Variants in RXRB observed in about 807,000 individuals in gnomAD.
RXRB encodes retinoid X receptor beta, also known as retinoic acid receptor RXR-beta.
Under a neutral mutation model 52.5 loss-of-function variants are expected in RXRB, and 18 were observed. The observed-to-expected ratio is 0.34, with a 90% CI of 0.24 to 0.51. The LOEUF is 0.51. RXRB is among the 20% of genes least tolerant of loss of function. The pLI, the probability that RXRB is intolerant of heterozygous loss-of-function variation, is 0.97. For missense variants in RXRB, 455 were observed against 698.2 expected, an observed-to-expected ratio of 0.65 and a Z score of 3.92; for synonymous variants, 233 against 267.1, an observed-to-expected ratio of 0.87 and a Z score of 1.25.
Position 33,194,617 on chromosome 6 carries a change from G to C in RXRB, c.*65C>G. 1 of 1,561,222 alleles carries C rather than the reference G, an allele frequency of 6.4e-7. No individual in the cohort carries two copies. Among genetic ancestry groups the C allele is most frequent in the Non-Finnish European group, 8.7e-7 (1 of 1,149,438 alleles). Reference sequence around the variant, plus strand: ...GAACATGGCCCCCCACCCTGCCCCAGGGCTTGGAGTCCCTCTTGGATGTGT... The same window carrying C: ...GAACATGGCCCCCCACCCTGCCCCACGGCTTGGAGTCCCTCTTGGATGTGT... On this transcript the variant is annotated 3_prime_UTR_variant, in exon 10 of 10. Coordinates refer to ENST00000374680, the MANE Select transcript of RXRB (RefSeq NM_021976.5). The surrounding 1 kb of genome is among the most constrained non-coding windows in gnomAD (Gnocchi z 4.1).
At position 33,196,563 on chromosome 6, in the gene RXRB, A is replaced by T. The variant is rs1446563333; in HGVS notation, c.864T>A (p.Asp288Glu). 6.2e-7 allele frequency: 1 copy of T among 1,604,328 alleles called. No individual in the cohort carries two copies. Residue 288 changes from aspartate (D) to glutamate (E), a missense_variant, in exon 5 of 10, where the codon GAT becomes GAA. Physicochemically the swap from Asp to Glu is conservative, Grantham distance 45. Coordinates refer to ENST00000374680, the MANE Select transcript of RXRB (RefSeq NM_021976.5). The surrounding 1 kb of genome is among the most constrained non-coding windows in gnomAD (Gnocchi z 4.0). ...CGGGGGCTCCCCCAGCCCCCTCCCC[A>T]TCCCCATCCTTGTCCTTTCCCCGCT... Reference protein sequence around the residue: ...ERQRGKDKDGDGEGAGGAPEE... With the variant: ...ERQRGKDKDGEGEGAGGAPEE...
chr6:33,195,115 G>C lies in RXRB; in HGVS notation c.1349-65C>G. ...CAAACCAAATCAGGATGGCCATGCA[G>C]ATGTGAGCCACAGGATGCCCCTTTT... On this transcript the variant is annotated intron_variant, in intron 8 of 9. Coordinates refer to ENST00000374680, the MANE Select transcript of RXRB (RefSeq NM_021976.5). The surrounding 1 kb of genome is among the most constrained non-coding windows in gnomAD (Gnocchi z 8.6). The C allele has an allele frequency of 3.3e-6, 4 of 1,205,134 alleles. No individual in the cohort carries two copies. Among genetic ancestry groups the C allele is most frequent in the Non-Finnish European group, 4.9e-6 (4 of 813,270 alleles). The allele number at this position is 1,205,134 out of a possible 1,614,324, so 74.7% of individuals were successfully genotyped here.
Position 33,195,226 on chromosome 6 carries a change from T to C in RXRB, c.1348+137A>G. ...TGTGGGATGGATCCGTGGATGTGGGTTTTTCCTCGGCCAGTTGGGAGATTT... is the reference window on the plus strand; with the variant it reads ...TGTGGGATGGATCCGTGGATGTGGGCTTTTCCTCGGCCAGTTGGGAGATTT... On this transcript the variant is annotated intron_variant, in intron 8 of 9. Transcript: ENST00000374680. This position sits in a 1 kb window ranked among gnomAD's most constrained non-coding sequence, Gnocchi z 8.6. The C allele has an allele frequency of 1.3e-6, 1 of 770,996 alleles. No individual in the cohort carries two copies. The highest frequency in any genetic ancestry group is 1.6e-5 in the South Asian group (1 of 63,630). The allele number at this position is 770,996 out of a possible 1,614,324, so 47.8% of individuals were successfully genotyped here. A position where few individuals can be genotyped will look rare whatever the true frequency, so the allele number is the denominator to read the frequency against.
At position 33,194,874 on chromosome 6, in the gene RXRB, G is replaced by A. The variant is rs571396358; in HGVS notation, c.1455-45C>T. On this transcript the variant is annotated intron_variant, in intron 9 of 9. Coordinates refer to ENST00000374680, the MANE Select transcript of RXRB (RefSeq NM_021976.5). This position sits in a 1 kb window ranked among gnomAD's most constrained non-coding sequence, Gnocchi z 4.1. ...AGGGGATTGAGAGCTGGAAGCACAC[G>A]GGCCCTGAACACATCCTCATAGCAC... is the stretch of plus-strand genomic sequence containing the variant. 34 of 1,611,924 alleles carry A rather than the reference G, an allele frequency of 2.1e-5. No individual in the cohort carries two copies. Among genetic ancestry groups the A allele is most frequent in the African/African-American group, 6.7e-5 (5 of 75,012 alleles).
Position 33,195,652 on chromosome 6 carries a change from G to C in RXRB, c.1174C>G (p.Arg392Gly). ...CCTGTGGCAAGGAGGATGCCATCTC[G>C]AACATCAATGGATCGGTGTGAGAAG... ...ASFSHRSIDV[R>G]DGILLATGLH... is the part of the protein sequence containing the mutation. The change falls in exon 7 of 10, where the codon CGA (arginine) becomes GGA (glycine). Residue 392 changes from arginine to glycine, a missense_variant. Physicochemically the swap from Arg to Gly is moderately radical, Grantham distance 125. Transcript: ENST00000374680. The surrounding 1 kb of genome is among the most constrained non-coding windows in gnomAD (Gnocchi z 8.6). 1 of 1,612,986 alleles carries C rather than the reference G, an allele frequency of 6.2e-7. No homozygotes were observed. Among genetic ancestry groups the C allele is most frequent in the Non-Finnish European group, 8.5e-7 (1 of 1,179,996 alleles).
chr6:33,199,909 C>T (rs749470043), intron 1 of RXRB: 10 of 685,686 alleles, frequency 1.5e-5, no homozygotes, highest in South Asian at 1.2e-4. Context: ...CCAGAGCGTG[C>T]AAGGGAAAGA....
At chr6:33,198,933 A>AAAAC (rs1562418781) in intron 2 of RXRB, among the ~76,000 whole-genome samples, 1 of 128,362 alleles carries the variant, frequency 7.8e-6, no homozygotes, top group Non-Finnish European at 1.6e-5. Flanking sequence ...AAAAAAAAAA[A>AAAAC]ACACACACAC....
chr6:33,194,926 C>T lies in RXRB; in HGVS notation c.1454+19G>A, dbSNP rs369181118. 1.9e-6 allele frequency: 3 copies of T among 1,609,086 alleles called. No homozygotes were observed. Among genetic ancestry groups the T allele is most frequent in the South Asian group, 2.2e-5 (2 of 90,994 alleles). ...CCCCACCCCCAAGGGAGCCTCAGTG[C>T]CCCCCAGCCCCATCTCACCGTCCCT... On this transcript the variant is annotated intron_variant, in intron 9 of 9. Coordinates refer to ENST00000374680, the MANE Select transcript of RXRB (RefSeq NM_021976.5). The surrounding 1 kb of genome is among the most constrained non-coding windows in gnomAD (Gnocchi z 4.1).
Position 33,197,725 on chromosome 6 carries a change from A to C in RXRB, c.820+37T>G. On this transcript the variant is annotated intron_variant, in intron 4 of 9. Transcript: ENST00000374680. The surrounding 1 kb of genome is among the most constrained non-coding windows in gnomAD (Gnocchi z 4.4). ...TCTGAGTGGGATAAGGGAGAAGGGC[A>C]TGTGGTCTAAGACGCCTGGGCAGGG... The C allele has an allele frequency of 1.2e-6, 2 of 1,603,298 alleles. No individual in the cohort carries two copies. Among genetic ancestry groups the C allele is most frequent in the Non-Finnish European group, 1.7e-6 (2 of 1,171,864 alleles).
At position 33,197,987 on chromosome 6, in the gene RXRB, C is replaced by T; in HGVS notation, c.641-46G>A. The T allele has an allele frequency of 1.9e-6, 3 of 1,579,792 alleles. No individual in the cohort carries two copies. Among genetic ancestry groups the T allele is most frequent in the Non-Finnish European group, 2.6e-6 (3 of 1,157,302 alleles). On this transcript the variant is annotated intron_variant, in intron 3 of 9. Coordinates refer to ENST00000374680, the MANE Select transcript of RXRB (RefSeq NM_021976.5). This position sits in a 1 kb window ranked among gnomAD's most constrained non-coding sequence, Gnocchi z 4.4. Reference sequence around the variant, plus strand: ...CAATAAGAAGGTTGCATGGAGACACCTTCACCATTTAGTCTGTTTCCAATC... The same window carrying T: ...CAATAAGAAGGTTGCATGGAGACACTTTCACCATTTAGTCTGTTTCCAATC...
In RXRB at chr6:33,194,794, C is replaced by T. The variant is rs766468364; in HGVS notation, c.1490G>A (p.Arg497Gln). 1.2e-6 allele frequency: 2 copies of T among 1,612,840 alleles called. No homozygotes were observed. The highest frequency in any genetic ancestry group is 1.7e-6 in the Non-Finnish European group (2 of 1,180,006). Residue 497 changes from arginine to glutamine, a missense_variant, in exon 10 of 10, where the codon CGG becomes CAG. By Grantham distance (43) the Arg-to-Gln change is conservative. Coordinates refer to ENST00000374680, the MANE Select transcript of RXRB (RefSeq NM_021976.5). The surrounding 1 kb of genome is among the most constrained non-coding windows in gnomAD (Gnocchi z 4.1). ...AKLLLRLPAL[R>Q]SIGLKCLEHL... is the part of the protein sequence containing the mutation. ...CTCTAGACACTTAAGGCCAATGGAC[C>T]GGAGGGCAGGAAGACGTAGCAGCAG...
In RXRB at chr6:33,196,047, C is replaced by T. The variant is rs376108859; in HGVS notation, c.994-11G>A. The T allele has an allele frequency of 2.0e-4, 325 of 1,612,784 alleles. No homozygotes were observed. The African/African-American group carries it at 2.9e-3, about 14-fold the overall frequency. ...CACAGGGTCATTTGGCTGCAGGGGA[C>T]GGGGGTAAGAGTTATGGAAGATTTT... On this transcript the variant is annotated splice_polypyrimidine_tract_variant and intron_variant, in intron 5 of 9. Coordinates refer to ENST00000374680, the MANE Select transcript of RXRB (RefSeq NM_021976.5). This position sits in a 1 kb window ranked among gnomAD's most constrained non-coding sequence, Gnocchi z 4.0.
In RXRB at chr6:33,194,491, A is replaced by G. The variant is rs892079344; in HGVS notation, c.*191T>C. 1.4e-5 allele frequency: 8 copies of G among 574,002 alleles called. No homozygotes were observed. Among genetic ancestry groups the G allele is most frequent in the Non-Finnish European group, 2.4e-5 (8 of 332,928 alleles). 35.6% of individuals were successfully genotyped at this position (574,002 alleles called of 1,614,324 possible). On this transcript the variant is annotated 3_prime_UTR_variant, in exon 10 of 10. Transcript: ENST00000374680. The surrounding 1 kb of genome is among the most constrained non-coding windows in gnomAD (Gnocchi z 4.1). ...CCGAAGAGAGACAACCAGTCCTCAC[A>G]GGTATCTGGGGTCCCTTCCAACTTG...
chr6:33,199,701 C>A, intron 1 of RXRB: 2 of 439,872 alleles, frequency 4.5e-6, no homozygotes, highest in South Asian at 2.5e-5. Context: ...CTAAAAAAAC[C>A]CAAAAACAGC....
In RXRB at chr6:33,196,659, G is replaced by T; in HGVS notation, c.821-53C>A. The stretch of plus-strand genomic sequence containing the variant: ...TGGAAAGTCAGCAGCCAGCCATGAA[G>T]GGGTTCCACAAATATCCTTACGGCC... On this transcript the variant is annotated intron_variant, in intron 4 of 9. Transcript: ENST00000374680. This position sits in a 1 kb window ranked among gnomAD's most constrained non-coding sequence, Gnocchi z 4.0. The T allele has an allele frequency of 1.4e-6, 2 of 1,481,112 alleles. No individual in the cohort carries two copies. The highest frequency in any genetic ancestry group is 4.5e-5 in the East Asian group (2 of 44,062). The allele number at this position is 1,481,112 out of a possible 1,614,324, so 91.7% of individuals were successfully genotyped here.
chr6:33,200,671 T>G, upstream of RXRB: 1 of 1,540,698 alleles, frequency 6.5e-7, no homozygotes, highest in South Asian at 1.2e-5. The surrounding 1 kb of genome is among the most constrained non-coding windows in gnomAD (Gnocchi z 6.3). Flanking sequence ...ACGGGAAGTC[T>G]CGGCGCGAGT....
rs997783076 is a variant in RXRB, at chr6:33,194,859, G to C, written c.1455-30C>G. The C allele has an allele frequency of 2.2e-5, 36 of 1,612,382 alleles. No homozygotes were observed. The highest frequency in any genetic ancestry group is 2.9e-5 in the Non-Finnish European group (34 of 1,179,762). Reference sequence around the variant, plus strand: ...GGTGGAGGTGGGAGAAGGGGATTGAGAGCTGGAAGCACACGGGCCCTGAAC... The same window carrying C: ...GGTGGAGGTGGGAGAAGGGGATTGACAGCTGGAAGCACACGGGCCCTGAAC... On this transcript the variant is annotated intron_variant, in intron 9 of 9. Coordinates refer to ENST00000374680, the MANE Select transcript of RXRB (RefSeq NM_021976.5). This position sits in a 1 kb window ranked among gnomAD's most constrained non-coding sequence, Gnocchi z 4.1.
At position 33,199,279 on chromosome 6, in the gene RXRB, G is replaced by A; in HGVS notation, c.373C>T (p.Pro125Ser). 2.4e-6 allele frequency: 2 copies of A among 824,922 alleles called. No homozygotes were observed. The highest frequency in any genetic ancestry group is 3.5e-5 in the East Asian group (1 of 28,234). The allele number at this position is 824,922 out of a possible 1,614,324, so 51.1% of individuals were successfully genotyped here. Residue 125 changes from proline (P) to serine (S), a missense_variant, in exon 2 of 10, where the codon CCA (proline) becomes TCA (serine). By Grantham distance (74) the Pro-to-Ser change is moderately conservative. Transcript: ENST00000374680. ...AAGGGAGAGCCCAGTGGGGGTGGTG[G>A]CATCGGGGGTGGGGGTGGGGCCCCA... ...GSGAPPPPPM[P>S]PPPLGSPFPV... is the part of the protein sequence containing the mutation.
Position 33,200,264 on chromosome 6 carries a change from G to A in RXRB, c.213C>T (p.Asp71=), listed in dbSNP as rs779746679. Residue 71 remains aspartate (D), a synonymous_variant, in exon 1 of 10, where the codon GAC becomes GAT. Transcript: ENST00000374680. This position sits in a 1 kb window ranked among gnomAD's most constrained non-coding sequence, Gnocchi z 6.3. ...PEPEPGEAGR[D]GMGDSGRDSR... ...CACCCCGCCCGCTGTCGCCCATCCCGTCCCGTCCAGCCTCCCCTGGCTCCG... is the reference window on the plus strand; with the variant it reads ...CACCCCGCCCGCTGTCGCCCATCCCATCCCGTCCAGCCTCCCCTGGCTCCG... 6.2e-7 allele frequency: 1 copy of A among 1,607,342 alleles called. No individual in the cohort carries two copies. The highest frequency in any genetic ancestry group is 8.5e-7 in the Non-Finnish European group (1 of 1,178,832).
Sources: gnomAD v4.1 joint callset for allele counts (sites outside exome capture counted in the v4.1 genomes callset) on GRCh38, gnomAD v4.1.1 for gene constraint, Gnocchi (gnomAD v3.1) non-coding constraint, MANE v1.5 for transcripts, NCBI Gene and HGNC (gene_info 2026-07-23, HGNC 2026-07-21) for gene names.